Variants in MED7 observed in about 807,000 individuals in gnomAD.
The protein encoded by MED7 is mediator of RNA polymerase II transcription subunit 7.
Under a neutral mutation model 16.6 loss-of-function variants are expected in MED7, and 7 were observed. That is an observed-to-expected ratio of 0.42 (90% CI 0.24 to 0.79). The LOEUF (loss-of-function observed/expected upper bound fraction) is 0.79. MED7 is among the 30% of genes least tolerant of loss of function. The pLI is 0.27. For synonymous variants in MED7, 88 were observed against 90.5 expected (o/e 0.97, Z 0.16); for missense variants, 240 against 286.3 (o/e 0.84, Z 1.17).
Position 157,139,451 on chromosome 5 carries a change from A to G in MED7, c.-17-3T>C. The G allele has an allele frequency of 1.3e-6, 2 of 1,485,112 alleles. No individual in the cohort carries two copies. The highest frequency in any genetic ancestry group is 2.3e-5 in the East Asian group (1 of 42,956). The allele number at this position is 1,485,112 out of a possible 1,614,324, so 92.0% of individuals were successfully genotyped here. A position where few individuals can be genotyped will look rare whatever the true frequency, so the allele number is the denominator to read the frequency against. On this transcript the variant is annotated splice_polypyrimidine_tract_variant and splice_region_variant and intron_variant, in intron 1 of 1. Transcript: ENST00000286317. ...ACCCATTGTGGACTATCAAGAACCT[A>G]TGGACACAGACCAAAGATTTATTAG...
intron 1 of MED7, among the ~76,000 whole-genome samples, chr5:157,141,620 A>C (rs1193066583): frequency 6.6e-6 from 1 of 151,432 alleles, no homozygotes; most frequent in Non-Finnish European, 1.5e-5. Context: ...ACAAGGGCTC[A>C]ATCTGTCTCC....
In MED7 at chr5:157,138,952, T is replaced by C; in HGVS notation, c.480A>G (p.Val160=). 1.2e-6 allele frequency: 2 copies of C among 1,614,204 alleles called. No homozygotes were observed. The highest frequency in any genetic ancestry group is 8.5e-7 in the Non-Finnish European group (1 of 1,180,048). ...CCAAGCAATTCTGAATCATTTCAATTACTCGTTCCAGGTGCTTTTGAAATC... is the reference window on the plus strand; with the variant it reads ...CCAAGCAATTCTGAATCATTTCAATCACTCGTTCCAGGTGCTTTTGAAATC... The part of the protein sequence containing the change: ...AERFQKHLER[V]IEMIQNCLAS... The change falls in exon 2 of 2, where the codon GTA becomes GTG. Residue 160 remains valine (V), a synonymous_variant. Transcript: ENST00000286317.
At position 157,138,788 on chromosome 5, in the gene MED7, A is replaced by C. The variant is rs776923886; in HGVS notation, c.644T>G (p.Ile215Ser). Reference protein sequence around the residue: ...RENSGHRRDQIIEKDAALCVL... With the variant: ...RENSGHRRDQSIEKDAALCVL... ...ACACAAGGCAGCATCTTTCTCTATAATCTGATCTCTCCTATGACCTGAATT... is the reference window on the plus strand; with the variant it reads ...ACACAAGGCAGCATCTTTCTCTATACTCTGATCTCTCCTATGACCTGAATT... Residue 215 changes from isoleucine (I) to serine (S), a missense_variant, in exon 2 of 2, where the codon ATT becomes AGT. Coordinates refer to ENST00000286317, the MANE Select transcript of MED7 (RefSeq NM_004270.5). 3 of 1,614,052 alleles carry C rather than the reference A, an allele frequency of 1.9e-6. No individual in the cohort carries two copies. The East Asian group carries it at 6.7e-5, about 36-fold the overall frequency.
Position 157,137,857 on chromosome 5 carries a change from A to G in MED7, c.*873T>C, listed in dbSNP as rs1446295885. On this transcript the variant is annotated 3_prime_UTR_variant, in exon 2 of 2. Coordinates refer to ENST00000286317, the MANE Select transcript of MED7 (RefSeq NM_004270.5). ...GGCAAGCCTGGATTCCTATGCCCAC[A>G]TTTCACCGCCTACGACTTAGTCATA... 1 of 152,184 alleles carries G rather than the reference A, an allele frequency of 6.6e-6. No homozygotes were observed. Among genetic ancestry groups the G allele is most frequent in the Non-Finnish European group, 1.5e-5 (1 of 68,046 alleles). 9.4% of individuals were successfully genotyped at this position (152,184 alleles called of 1,614,324 possible).
In MED7 at chr5:157,139,206, T is replaced by C. The variant is rs1757686848; in HGVS notation, c.226A>G (p.Lys76Glu). Residue 76 changes from lysine to glutamate, a missense_variant, in exon 2 of 2, where the codon AAA becomes GAA. By Grantham distance (56) the Lys-to-Glu change is moderately conservative (BLOSUM62 1). Coordinates refer to ENST00000286317, the MANE Select transcript of MED7 (RefSeq NM_004270.5). ...GACATATTAAGTTTTCTCAGTTCTT[T>C]CTTGTGATCAAACTGCATAGGATGA... ...RLHPMQFDHK[K>E]ELRKLNMSIL... 4.3e-6 allele frequency: 7 copies of C among 1,612,168 alleles called. No individual in the cohort carries two copies. The highest frequency in any genetic ancestry group is 5.9e-6 in the Non-Finnish European group (7 of 1,179,608).
Position 157,139,253 on chromosome 5 carries a change from T to C in MED7, c.179A>G (p.Glu60Gly). The part of the protein sequence containing the change: ...QCDDLIIRPL[E>G]SQGIERLHPM... The stretch of plus-strand genomic sequence containing the variant: ...ATGAAGCCGTTCGATGCCCTGACTT[T>C]CCAAAGGGCGGATGATAAGATCATC... The change falls in exon 2 of 2, where the codon GAA (glutamate) becomes GGA (glycine). Residue 60 changes from glutamate (E) to glycine (G), a missense_variant. Physicochemically the swap from Glu to Gly is moderately conservative, Grantham distance 98. Transcript: ENST00000286317. The C allele has an allele frequency of 1.2e-6, 2 of 1,614,020 alleles. No individual in the cohort carries two copies. The highest frequency in any genetic ancestry group is 1.7e-6 in the Non-Finnish European group (2 of 1,180,000).
chr5:157,141,238 G>A (rs1451418486), intron 1 of MED7, among the ~76,000 whole-genome samples: 3 of 152,036 alleles, frequency 2.0e-5, no homozygotes, highest in African/African-American at 7.2e-5. Context: ...CCGCCACGAC[G>A]CCCGGCTAAT....
chr5:157,139,517 G>A (rs1457580574), intron 1 of MED7, 69 bp from the exon 2 acceptor site: 2 of 937,458 alleles, frequency 2.1e-6, no homozygotes, highest in Non-Finnish European at 3.0e-6. Context: ...ACTACAGATG[G>A]AATATTTTCT....
intron 1 of MED7, among the ~76,000 whole-genome samples, chr5:157,139,794 G>C (rs1165468001): frequency 6.6e-6 from 1 of 151,694 alleles, no homozygotes; most frequent in African/African-American, 2.4e-5. Context: ...AACTACACAG[G>C]CTGTCTCCCA....
chr5:157,137,470 TAGTAAGTCCCCAAGTGATACC>T lies in MED7; in HGVS notation c.*1239_*1259del, dbSNP rs1197837605. 1 of 152,210 alleles carries T rather than the reference TAGTAAGTCCCCAAGTGATACC, an allele frequency of 6.6e-6. No homozygotes were observed. Among genetic ancestry groups the T allele is most frequent in the Non-Finnish European group, 1.5e-5 (1 of 68,052 alleles). The allele number at this position is 152,210 out of a possible 1,614,324, so 9.4% of individuals were successfully genotyped here. A position where few individuals can be genotyped will look rare whatever the true frequency, so the allele number is the denominator to read the frequency against. On this transcript the variant is annotated 3_prime_UTR_variant, in exon 2 of 2. Coordinates refer to ENST00000286317, the MANE Select transcript of MED7 (RefSeq NM_004270.5). Reference sequence around the variant, plus strand: ...CGGATTATACTAAAACTTTTATTTCTAGTAAGTCCCCAAGTGATACCAATGCTGCTGGTCCAGGACCACACA... The same window carrying T: ...CGGATTATACTAAAACTTTTATTTCTAATGCTGCTGGTCCAGGACCACACA...
chr5:157,138,951 T>G lies in MED7; in HGVS notation c.481A>C (p.Ile161Leu). Residue 161 changes from isoleucine to leucine, a missense_variant, in exon 2 of 2, where the codon ATT (isoleucine) becomes CTT (leucine). Coordinates refer to ENST00000286317, the MANE Select transcript of MED7 (RefSeq NM_004270.5). ...GCCAAGCAATTCTGAATCATTTCAATTACTCGTTCCAGGTGCTTTTGAAAT... is the reference window on the plus strand; with the variant it reads ...GCCAAGCAATTCTGAATCATTTCAAGTACTCGTTCCAGGTGCTTTTGAAAT... ...ERFQKHLERV[I>L]EMIQNCLASL... 1 of 1,614,212 alleles carries G rather than the reference T, an allele frequency of 6.2e-7. No homozygotes were observed.
intron 1 of MED7, among the ~76,000 whole-genome samples, chr5:157,141,737 G>A (rs1030833462): frequency 3.3e-5 from 5 of 151,672 alleles, no homozygotes; most frequent in African/African-American, 9.7e-5. Context: ...CTACAGGTGC[G>A]CACCACCACG....
At chr5:157,139,789 C>T (rs1239505101) in intron 1 of MED7, among the ~76,000 whole-genome samples, 1 of 148,894 alleles carries the variant, frequency 6.7e-6, no homozygotes, top group Admixed American at 6.8e-5. Context: ...AACCAAACTA[C>T]ACAGGCTGTC....
Position 157,139,343 on chromosome 5 carries a change from A to G in MED7, c.89T>C (p.Leu30Ser). 1 of 1,613,434 alleles carries G rather than the reference A, an allele frequency of 6.2e-7. No individual in the cohort carries two copies. The highest frequency in any genetic ancestry group is 1.1e-5 in the South Asian group (1 of 90,970). ...EYTDENIQEG[L>S]APKPPPPIKD... ...TATTGGAGGGGGAGGCTTGGGAGCT[A>G]AGCCTTCTTGAATATTTTCATCCGT... The change falls in exon 2 of 2, where the codon TTA becomes TCA. Residue 30 changes from leucine to serine, a missense_variant. Leu to Ser is a moderately radical substitution (Grantham distance 145). Transcript: ENST00000286317.
rs1159876352 is a variant in MED7 at position 157,139,454 on chromosome 5, G to A, written c.-17-6C>T. Reference sequence around the variant, plus strand: ...CATTGTGGACTATCAAGAACCTATGGACACAGACCAAAGATTTATTAGAGC... The same window carrying A: ...CATTGTGGACTATCAAGAACCTATGAACACAGACCAAAGATTTATTAGAGC... On this transcript the variant is annotated splice_polypyrimidine_tract_variant and splice_region_variant and intron_variant, in intron 1 of 1. Coordinates refer to ENST00000286317, the MANE Select transcript of MED7 (RefSeq NM_004270.5). 2 of 1,460,626 alleles carry A rather than the reference G, an allele frequency of 1.4e-6. No individual in the cohort carries two copies. The highest frequency in any genetic ancestry group is 2.4e-5 in the East Asian group (1 of 42,422). 90.5% of individuals were successfully genotyped at this position (1,460,626 alleles called of 1,614,324 possible).
In MED7 at chr5:157,137,671, G is replaced by A. The variant is rs1356138608; in HGVS notation, c.*1059C>T. ...TATAAAGTCCAATTAGCTAGGGGCA[G>A]AGTGGAGTTACTGAAAGGAAGACTT... On this transcript the variant is annotated 3_prime_UTR_variant, in exon 2 of 2. Transcript: ENST00000286317. The A allele has an allele frequency of 6.6e-6, 1 of 152,314 alleles. No homozygotes were observed. The highest frequency in any genetic ancestry group is 1.5e-5 in the Non-Finnish European group (1 of 68,122). The allele number at this position is 152,314 out of a possible 1,614,324, so 9.4% of individuals were successfully genotyped here.
chr5:157,139,166 A>C lies in MED7; in HGVS notation c.266T>G (p.Phe89Cys), dbSNP rs764798624. 1 of 1,613,328 alleles carries C rather than the reference A, an allele frequency of 6.2e-7. No individual in the cohort carries two copies. Residue 89 changes from phenylalanine (F) to cysteine (C), a missense_variant, in exon 2 of 2, where the codon TTC becomes TGC. Coordinates refer to ENST00000286317, the MANE Select transcript of MED7 (RefSeq NM_004270.5). ...TATTAAAATATCTAAAAGGTCCAAG[A>C]AATTAATAAGGATAGACATATTAAG... ...RKLNMSILIN[F>C]LDLLDILIRS...
At chr5:157,142,769 A>G in intron 1 of MED7, 51 bp downstream of exon 1, 1 of 152,548 alleles carries the variant, frequency 6.6e-6, no homozygotes, top group Non-Finnish European at 1.5e-5. Flanking sequence ...CGGGGTCCGG[A>G]AGAAAAAAAC....
At chr5:157,142,220 G>A (rs1303941990) in intron 1 of MED7, among the ~76,000 whole-genome samples, 1 of 152,206 alleles carries the variant, frequency 6.6e-6, no homozygotes, top group African/African-American at 2.4e-5. Flanking sequence ...AACATCTAGT[G>A]TTTGTTCTAC....
Sources: allele counts gnomAD v4.1 joint callset (sites outside exome capture counted in the v4.1 genomes callset), GRCh38; gene constraint gnomAD v4.1.1; transcripts MANE v1.5; gene names NCBI Gene and HGNC (gene_info 2026-07-23, HGNC 2026-07-21).